The following RBBP8NL variants were observed in gnomAD, a reference collection of about 807,000 sequenced individuals.
RBBP8NL encodes RBBP8 N-terminal like, also known as RBBP8 N-terminal-like protein.
A neutral mutation model predicts 62.2 loss-of-function variants in RBBP8NL; 59 were observed. That is an observed-to-expected ratio of 0.95 (90% CI 0.77 to 1.18). RBBP8NL has a LOEUF of 1.18. Among genes scored for constraint, RBBP8NL ranks in the 50% most tolerant of loss-of-function variants. RBBP8NL has a pLI of 0.00. For synonymous variants in RBBP8NL, 412 were observed against 394.1 expected (o/e 1.05, Z -0.54); for missense variants, 896 against 899.5 (o/e 1.00, Z 0.05).
rs895349279 is a variant in RBBP8NL, at chr20:62,416,860, G to A, written c.213C>T (p.Gly71=). The A allele has an allele frequency of 1.5e-5, 24 of 1,563,976 alleles. No homozygotes were observed. The highest frequency in any genetic ancestry group is 2.1e-5 in the Non-Finnish European group (24 of 1,155,198). The change falls in exon 5 of 14, where the codon GGC becomes GGT. Residue 71 remains glycine (G), a synonymous_variant. Coordinates refer to ENST00000252998, the MANE Select transcript of RBBP8NL (RefSeq NM_080833.3). ...GGGTGACCATGCAGCGGTCGCACAG[G>A]CCGGCCCGCAGCCTGCAGGGATGGG... ...LRVLENRLRA[G]LCDRCMVTQE...
intron 1 of RBBP8NL, among the ~76,000 whole-genome samples, chr20:62,424,298 G>C (rs189446620): frequency 5.9e-5 from 9 of 152,148 alleles, no homozygotes; most frequent in South Asian, 2.1e-4. Flanking sequence ...TGGGCCGTGG[G>C]GGGGGCAGGT....
At chr20:62,415,053 C>T in intron 9 of RBBP8NL, 68 bp downstream of exon 9, 1 of 1,396,778 alleles carries the variant, frequency 7.2e-7, no homozygotes, top group Non-Finnish European at 9.4e-7. Flanking sequence ...AGGGACTGCC[C>T]TGGGACCAGG....
intron 2 of RBBP8NL, 60 bp downstream of exon 2, chr20:62,419,527 C>T (rs1200053100): frequency 6.4e-7 from 1 of 1,566,394 alleles, no homozygotes; most frequent in East Asian, 2.2e-5. Flanking sequence ...CCTGCTCCGA[C>T]CCTTAGGTGA....
chr20:62,411,460 G>A (rs941522916), intron 13 of RBBP8NL, among the ~76,000 whole-genome samples: 2 of 152,248 alleles, frequency 1.3e-5, no homozygotes, highest in Non-Finnish European at 1.5e-5. Context: ...AATGGGTCAG[G>A]TTTGAATCCT....
chr20:62,418,606 CCT>C (rs1314001310), intron 2 of RBBP8NL, 141 bp from the exon 3 acceptor site: 20 of 841,830 alleles, frequency 2.4e-5, no homozygotes, highest in African/African-American at 6.7e-5. Flanking sequence ...CAGGTGAGCC[CCT>C]GTCTGTGCCC....
intron 2 of RBBP8NL, 90 bp downstream of exon 2, chr20:62,419,497 T>C (rs1210687314): frequency 1.5e-6 from 2 of 1,345,708 alleles, no homozygotes; most frequent in African/African-American, 2.9e-5. Context: ...GAATTGGAGG[T>C]GATCATGGGT....
At chr20:62,413,679 G>A in intron 10 of RBBP8NL, 134 bp from the exon 11 acceptor site, 2 of 1,404,788 alleles carry the variant, frequency 1.4e-6, no homozygotes, top group South Asian at 2.9e-5. Flanking sequence ...TTATAGTGTG[G>A]ATGAGGCAGC....
chr20:62,415,750 G>A, intron 7 of RBBP8NL, 38 bp downstream of exon 7: 2 of 1,610,042 alleles, frequency 1.2e-6, no homozygotes, highest in Non-Finnish European at 8.5e-7. Flanking sequence ...GGTCCTGCGG[G>A]GGCCCAGCCT....
chr20:62,411,946 C>G (rs2097951414), intron 13 of RBBP8NL, among the ~76,000 whole-genome samples: 2 of 152,268 alleles, frequency 1.3e-5, no homozygotes, highest in African/African-American at 4.8e-5. Context: ...CGGAGAAAAA[C>G]CAGGGCCATA....
In RBBP8NL at chr20:62,416,222, C is replaced by T. The variant is rs201602068; in HGVS notation, c.328G>A (p.Gly110Arg). ...AAGGTCTCGTTCTCTTCCTTCAGCCCGTTCATCTCGTTGGCTGCAAAAGGC... is the reference window on the plus strand; with the variant it reads ...AAGGTCTCGTTCTCTTCCTTCAGCCTGTTCATCTCGTTGGCTGCAAAAGGC... ...RIFILTNEMN[G>R]LKEENETLKE... The change falls in exon 6 of 14, where the codon GGG becomes AGG. Residue 110 changes from glycine (G) to arginine (R), a missense_variant. Gly to Arg is a moderately radical substitution (Grantham distance 125, BLOSUM62 -2). Transcript: ENST00000252998. 2.7e-4 allele frequency: 414 copies of T among 1,514,408 alleles called. 1 individual carries two copies. Among genetic ancestry groups the T allele is most frequent in the Admixed American group, 3.0e-4 (17 of 56,056 alleles). The allele number at this position is 1,514,408 out of a possible 1,614,324, so 93.8% of individuals were successfully genotyped here.
intron 3 of RBBP8NL, 107 bp from the exon 4 acceptor site, chr20:62,417,426 G>T: frequency 2.5e-6 from 2 of 814,928 alleles, no homozygotes; most frequent in Non-Finnish European, 3.8e-6. Flanking sequence ...CTGCAGCCTT[G>T]GTCTGGGGGC....
At chr20:62,420,595 T>C (rs1177572832) in intron 1 of RBBP8NL, among the ~76,000 whole-genome samples, 5 of 151,540 alleles carry the variant, frequency 3.3e-5, no homozygotes, top group Admixed American at 6.6e-5. Context: ...CAGAGACACA[T>C]AGACATGGGT....
rs139874212 is a variant in RBBP8NL, at chr20:62,417,273, G to A, written c.151C>T (p.Arg51Trp). 326 of 1,606,090 alleles carry A rather than the reference G, an allele frequency of 2.0e-4. 1 individual carries two copies. In the African/African-American group the frequency reaches 3.2e-3, roughly 16 times the overall value. The change falls in exon 4 of 14, where the codon CGG becomes TGG. Residue 51 changes from arginine to tryptophan, a missense_variant. Arg to Trp is a moderately radical substitution (Grantham distance 101). Transcript: ENST00000252998. ...TCCTTCAGTGTCTTCTGCTGTTCCCGGAGCTGGTGGTTCTTGGAGAAGAGC... is the reference window on the plus strand; with the variant it reads ...TCCTTCAGTGTCTTCTGCTGTTCCCAGAGCTGGTGGTTCTTGGAGAAGAGC... ...EELFSKNHQL[R>W]EQQKTLKENL...
rs2146441057 is a variant in RBBP8NL at position 62,417,307 on chromosome 20, C to T, written c.117G>A (p.Arg39=). Residue 39 remains arginine (R), a synonymous_variant, in exon 4 of 14, where the codon AGG becomes AGA. Coordinates refer to ENST00000252998, the MANE Select transcript of RBBP8NL (RefSeq NM_080833.3). ...GGTTCTTGGAGAAGAGCTCCTCGAT[C>T]CTCTGGGCGTCCCTGTGGTGGGAAA... The part of the protein sequence containing the change: ...LNSERCRDAQ[R]IEELFSKNHQ... The T allele has an allele frequency of 6.3e-7, 1 of 1,597,968 alleles. No individual in the cohort carries two copies. The highest frequency in any genetic ancestry group is 1.1e-5 in the South Asian group (1 of 88,226).
chr20:62,412,342 A>T (rs1390656625), intron 13 of RBBP8NL, among the ~76,000 whole-genome samples: 1 of 152,072 alleles, frequency 6.6e-6, no homozygotes, highest in Non-Finnish European at 1.5e-5. Context: ...ATCTCCTACG[A>T]TCCCTAATGT....
rs764247509 is a variant in RBBP8NL, at chr20:62,413,924, T to A, written c.1427A>T (p.Glu476Val). The part of the protein sequence containing the change: ...SPAAAHTASP[E>V]PPTQSGPLTR... ...CAGGGGTCCGGACTGGGTGGGTGGC[T>A]CGGGGCTGGCAGTGTGGGCAGCGGC... is the stretch of plus-strand genomic sequence containing the variant. The change falls in exon 10 of 14, where the codon GAG (glutamate) becomes GTG (valine). Residue 476 changes from glutamate to valine, a missense_variant. By Grantham distance (121) the Glu-to-Val change is moderately radical. Coordinates refer to ENST00000252998, the MANE Select transcript of RBBP8NL (RefSeq NM_080833.3). The A allele has an allele frequency of 6.3e-7, 1 of 1,591,500 alleles. No homozygotes were observed. Among genetic ancestry groups the A allele is most frequent in the Non-Finnish European group, 8.5e-7 (1 of 1,169,910 alleles).
chr20:62,423,629 CTG>C (rs1255025149), intron 1 of RBBP8NL, among the ~76,000 whole-genome samples: 1 of 152,212 alleles, frequency 6.6e-6, no homozygotes, highest in African/African-American at 2.4e-5. Flanking sequence ...GGAGAGGTCT[CTG>C]GGGTCCACAC....
rs543077183 is a variant in RBBP8NL at position 62,415,078 on chromosome 20, C to T, written c.794+43G>A. 28 of 1,430,538 alleles carry T rather than the reference C, an allele frequency of 2.0e-5. No homozygotes were observed. In the South Asian group the frequency reaches 3.4e-4, roughly 17 times the overall value. 88.6% of individuals were successfully genotyped at this position (1,430,538 alleles called of 1,614,324 possible). ...CTGGGACCAGGGGCTGAGAGAAGAG[C>T]TCATCTGAGGCTACTCTGGGTGAGG... On this transcript the variant is annotated intron_variant, in intron 9 of 13. Transcript: ENST00000252998.
At chr20:62,415,019 T>G (rs911078) in intron 9 of RBBP8NL, 102 bp downstream of exon 9, 366,292 of 1,254,204 alleles carry the variant, frequency 0.29, 56,081 homozygotes, top group East Asian at 0.5. Flanking sequence ...GCCAGAGAAG[T>G]TCAGGGCTGT....
Sources: allele counts gnomAD v4.1 joint callset (sites outside exome capture counted in the v4.1 genomes callset), GRCh38; gene constraint gnomAD v4.1.1; transcripts MANE v1.5; gene names NCBI Gene and HGNC (gene_info 2026-07-23, HGNC 2026-07-21).